LRSAM1: variants seen among roughly 807,000 people sequenced by gnomAD.
The protein encoded by LRSAM1 is E3 ubiquitin-protein ligase LRSAM1.
A neutral mutation model predicts 118.1 loss-of-function variants in LRSAM1; 96 were observed. That is an observed-to-expected ratio of 0.81 (90% CI 0.69 to 0.96). The LOEUF is 0.96. LRSAM1 is among the 40% of genes least tolerant of loss of function. The pLI, the probability that LRSAM1 is intolerant of heterozygous loss-of-function variation, is 0.00. For synonymous variants in LRSAM1, 322 were observed against 364.2 expected, an observed-to-expected ratio of 0.88 and a Z score of 1.32; for missense variants, 804 against 915.5, an observed-to-expected ratio of 0.88 and a Z score of 1.57.
chr9:127,484,829 G>A (rs1200855924), intron 16 of LRSAM1, among the ~76,000 whole-genome samples: 1 of 98,360 alleles, frequency 1.0e-5, no homozygotes, highest in Non-Finnish European at 2.2e-5. Flanking sequence ...TTTTTTTTGA[G>A]ATAGGGTCTT....
Position 127,480,870 on chromosome 9 carries a change from G to A in LRSAM1, c.1044-313G>A, listed in dbSNP as rs183022187. ...GCCTGGCTAATTTTTGTAGAGATAA[G>A]GTTTCTCCATGTTGACCAGGCTGGT... is the stretch of plus-strand genomic sequence containing the variant. On this transcript the variant is annotated intron_variant, in intron 14 of 25. Transcript: ENST00000300417. Among the ~76,000 whole-genome samples the A allele has an allele frequency of 3.6e-3, 543 of 152,192 alleles. 4 individuals carry two copies. Among genetic ancestry groups the A allele is most frequent in the African/African-American group, 0.012 (508 of 41,516 alleles).
chr9:127,487,787 G>A (rs548179082), intron 18 of LRSAM1, 24 bp downstream of exon 18: 3 of 1,605,296 alleles, frequency 1.9e-6, no homozygotes, highest in East Asian at 4.5e-5. Flanking sequence ...CAGAGCCTGA[G>A]GGTGGGAGCT....
At chr9:127,486,589 T>TC (rs1002612086) in intron 17 of LRSAM1, 1 of 152,564 alleles carries the variant, frequency 6.6e-6, no homozygotes, top group Non-Finnish European at 1.5e-5. Context: ...TGGGAATTTC[T>TC]CCCCCCTTTC....
chr9:127,467,148 G>A (rs1408888923), intron 9 of LRSAM1, among the ~76,000 whole-genome samples: 2 of 152,178 alleles, frequency 1.3e-5, no homozygotes, highest in African/African-American at 4.8e-5. Flanking sequence ...GAAGGGGCTA[G>A]TTTTGTTTTT....
intron 20 of LRSAM1, among the ~76,000 whole-genome samples, chr9:127,492,466 C>T (rs1835966476): frequency 6.6e-6 from 1 of 152,228 alleles, no homozygotes. Flanking sequence ...GGGCCCCACA[C>T]TGCTCCCCGC....
At chr9:127,491,815 G>A (rs1299544752) in intron 20 of LRSAM1, among the ~76,000 whole-genome samples, 1 of 152,238 alleles carries the variant, frequency 6.6e-6, no homozygotes, top group Non-Finnish European at 1.5e-5. Context: ...TGGCGTCCTG[G>A]ACTGGATGCC....
At chr9:127,501,740 G>GAAAA (rs1379254761) in intron 25 of LRSAM1, among the ~76,000 whole-genome samples, 1 of 152,066 alleles carries the variant, frequency 6.6e-6, no homozygotes, top group Admixed American at 6.6e-5. Context: ...TCAAAAAAAA[G>GAAAA]AAAAAATCAT....
At chr9:127,475,077 T>TTTTAC (rs528343584) in intron 11 of LRSAM1, among the ~76,000 whole-genome samples, 2,959 of 151,126 alleles carry the variant, frequency 0.02, 41 homozygotes, top group Non-Finnish European at 0.024. Context: ...TATTATTTTA[T>TTTTAC]AGTTCAGCAA....
intron 16 of LRSAM1, among the ~76,000 whole-genome samples, chr9:127,484,089 C>G (rs909288363): frequency 1.3e-5 from 2 of 152,148 alleles, no homozygotes; most frequent in Non-Finnish European, 2.9e-5. Flanking sequence ...CCGTGCCCCC[C>G]TCCCCTCAGC....
intron 25 of LRSAM1, 45 bp downstream of exon 25, chr9:127,501,188 C>G: frequency 1.2e-6 from 2 of 1,604,424 alleles, no homozygotes; most frequent in Non-Finnish European, 1.7e-6. Context: ...CCTGTGGCCA[C>G]CCTCCTCAAA....
Position 127,473,946 on chromosome 9 carries a change from C to A in LRSAM1, c.750+15C>A, listed in dbSNP as rs200426609. The stretch of plus-strand genomic sequence containing the variant: ...TAGAGTGGCAGGTAAGACAAGGCAG[C>A]CTGCTGCACGCATACATGTGTGTGT... On this transcript the variant is annotated intron_variant, in intron 11 of 25. Transcript: ENST00000300417. 6.2e-7 allele frequency: 1 copy of A among 1,614,130 alleles called. No individual in the cohort carries two copies. Among genetic ancestry groups the A allele is most frequent in the Non-Finnish European group, 8.5e-7 (1 of 1,179,976 alleles).
chr9:127,479,028 A>C lies in LRSAM1; in HGVS notation c.780+65A>C. The C allele has an allele frequency of 2.0e-6, 3 of 1,519,366 alleles. No individual in the cohort carries two copies. The South Asian group carries it at 3.4e-5, about 17-fold the overall frequency. The allele number at this position is 1,519,366 out of a possible 1,614,324, so 94.1% of individuals were successfully genotyped here. A position where few individuals can be genotyped will look rare whatever the true frequency, so the allele number is the denominator to read the frequency against. The stretch of plus-strand genomic sequence containing the variant: ...TTAAAGATCTCAACTCAACTCATAA[A>C]ATATTTGAGAAAATGACTTCTTCCC... On this transcript the variant is annotated intron_variant, in intron 12 of 25. Transcript: ENST00000300417.
At chr9:127,467,649 T>A in intron 9 of LRSAM1, 91 bp from the exon 10 acceptor site, 1 of 1,237,948 alleles carries the variant, frequency 8.1e-7, no homozygotes, top group South Asian at 1.3e-5. Context: ...TGGGTAGAGG[T>A]GACAGAGAAC....
chr9:127,471,863 A>T (rs973944153), intron 10 of LRSAM1, among the ~76,000 whole-genome samples: 1 of 151,286 alleles, frequency 6.6e-6, no homozygotes, highest in Admixed American at 6.6e-5. Context: ...GGGTTTCGCC[A>T]TGTTGACCAG....
intron 8 of LRSAM1, among the ~76,000 whole-genome samples, chr9:127,462,014 C>T (rs1246133007): frequency 6.6e-6 from 1 of 152,196 alleles, no homozygotes; most frequent in Non-Finnish European, 1.5e-5. Context: ...AGTGTCATCC[C>T]CATTTTCCAG....
intron 10 of LRSAM1, among the ~76,000 whole-genome samples, chr9:127,470,675 C>T (rs374756755): frequency 6.6e-6 from 1 of 152,062 alleles, no homozygotes. Context: ...GGATACCACA[C>T]GGCAAGTGGA....
At chr9:127,464,491 C>T (rs1834861777) in intron 9 of LRSAM1, among the ~76,000 whole-genome samples, 1 of 152,144 alleles carries the variant, frequency 6.6e-6, no homozygotes, top group Non-Finnish European at 1.5e-5. Flanking sequence ...CTTGTGTGTA[C>T]AGCCAGGAAC....
chr9:127,491,425 G>C, intron 20 of LRSAM1, 130 bp downstream of exon 20: 1 of 741,794 alleles, frequency 1.3e-6, no homozygotes, highest in South Asian at 1.5e-5. Context: ...AGAGGGCAGA[G>C]CTCCTCTGTG....
At chr9:127,459,156 T>C (rs878945988) in intron 7 of LRSAM1, 85 bp downstream of exon 7, 114 of 1,339,600 alleles carry the variant, frequency 8.5e-5, no homozygotes, top group East Asian at 4.7e-5. Flanking sequence ...CTGGCCGGGC[T>C]CCAGCCAGTG....
Sources: allele counts gnomAD v4.1 joint callset (sites outside exome capture counted in the v4.1 genomes callset), GRCh38; gene constraint gnomAD v4.1.1; transcripts MANE v1.5; gene names NCBI Gene and HGNC (gene_info 2026-07-23, HGNC 2026-07-21).